Variants in TRIM2 observed in about 807,000 individuals in gnomAD.
TRIM2 encodes the protein tripartite motif containing 2.
A neutral mutation model predicts 75.2 loss-of-function variants in TRIM2; 20 were observed. The observed-to-expected ratio is 0.27, with a 90% CI of 0.19 to 0.39. TRIM2 has a LOEUF of 0.39. Among genes scored for constraint, TRIM2 ranks in the 10% least tolerant of loss-of-function variants. The pLI is 1.00. For missense variants in TRIM2, 660 were observed against 990.8 expected, an observed-to-expected ratio of 0.67 and a Z score of 4.48; for synonymous variants, 373 against 388.3, an observed-to-expected ratio of 0.96 and a Z score of 0.46.
chr4:153,230,079 A>G (rs1743212483), intron 1 of TRIM2, among the ~76,000 whole-genome samples: 1 of 152,226 alleles, frequency 6.6e-6, no homozygotes, highest in South Asian at 2.1e-4. Flanking sequence ...CCCGTGTCCT[A>G]GATCTGTCTT....
intron 1 of TRIM2, among the ~76,000 whole-genome samples, chr4:153,268,326 C>A (rs1008872521): frequency 6.6e-6 from 1 of 151,530 alleles, no homozygotes; most frequent in Non-Finnish European, 1.5e-5. Context: ...GGAGACTGGT[C>A]CTTAGGCAAG....
At chr4:153,163,958 G>C (rs60718348) in intron 1 of TRIM2, among the ~76,000 whole-genome samples, 48,243 of 151,860 alleles carry the variant, frequency 0.32, 7,876 homozygotes, top group South Asian at 0.43. Context: ...TGTTATTAAT[G>C]ATATTAGCAT....
intron 1 of TRIM2, among the ~76,000 whole-genome samples, chr4:153,253,028 C>T (rs976169297): frequency 2.0e-5 from 3 of 152,180 alleles, no homozygotes; most frequent in African/African-American, 7.2e-5. Context: ...AAAGATGGAA[C>T]CTTCAACAGT....
intron 3 of TRIM2, among the ~76,000 whole-genome samples, chr4:153,291,057 C>T (rs1329707289): frequency 6.6e-6 from 1 of 150,582 alleles, no homozygotes; most frequent in Non-Finnish European, 1.5e-5. Flanking sequence ...AAAAAAGTGT[C>T]TTTATATGAC....
At chr4:153,201,733 A>G (rs1734393003), upstream of TRIM2, among the ~76,000 whole-genome samples, 1 of 152,172 alleles carries the variant, frequency 6.6e-6, no homozygotes, top group African/African-American at 2.4e-5. Context: ...TTAAAATTTT[A>G]ACGAAGTCCA....
chr4:153,160,321 G>A (rs1052353430), intron 1 of TRIM2, among the ~76,000 whole-genome samples: 2 of 152,174 alleles, frequency 1.3e-5, no homozygotes, highest in South Asian at 4.1e-4. Flanking sequence ...ATTCAACAAA[G>A]CTTCAAGGTT....
At chr4:153,153,787 A>T (rs1238593865) in intron 1 of TRIM2, among the ~76,000 whole-genome samples, 1 of 151,998 alleles carries the variant, frequency 6.6e-6, no homozygotes, top group Non-Finnish European at 1.5e-5. Context: ...CGGGCCCCGG[A>T]GGGGGCGCGT....
chr4:153,277,570 G>A (rs1173633443), intron 3 of TRIM2, among the ~76,000 whole-genome samples: 1 of 152,206 alleles, frequency 6.6e-6, no homozygotes, highest in African/African-American at 2.4e-5. Context: ...GCCAGACACC[G>A]TATTTGGCTC....
intron 9 of TRIM2, 80 bp from the exon 10 acceptor site, chr4:153,323,998 A>T: frequency 1.8e-6 from 2 of 1,085,264 alleles, no homozygotes; most frequent in Non-Finnish European, 2.7e-6. Flanking sequence ...TTAATATATT[A>T]AGTTTGTTTG....
At chr4:153,322,602 C>T in intron 8 of TRIM2, 46 bp from the exon 9 acceptor site, 3 of 1,587,172 alleles carry the variant, frequency 1.9e-6, no homozygotes, top group Non-Finnish European at 2.6e-6. Context: ...GTGGTTTAAA[C>T]TTTGACTCTA....
chr4:153,338,797 T>G lies in TRIM2; in HGVS notation c.*3831T>G, dbSNP rs1772754575. 3.0e-6 allele frequency: 3 copies of G among 985,850 alleles called. 1 individual carries two copies. In the South Asian group the frequency reaches 1.4e-4, roughly 46 times the overall value. The allele number at this position is 985,850 out of a possible 1,614,324, so 61.1% of individuals were successfully genotyped here. The stretch of plus-strand genomic sequence containing the variant: ...GTTGTTCCAATGAATGTACAGCACT[T>G]CCATTAACTTTTGAAAGCAACACAG... On this transcript the variant is annotated 3_prime_UTR_variant, in exon 12 of 12. Transcript: ENST00000338700.
At chr4:153,178,517 A>G (rs1731709054) in intron 1 of TRIM2, among the ~76,000 whole-genome samples, 1 of 152,190 alleles carries the variant, frequency 6.6e-6, no homozygotes, top group African/African-American at 2.4e-5. Flanking sequence ...AGTCACACTT[A>G]TTTTGCAGTT....
chr4:153,199,094 A>G (rs6535906), intron 1 of TRIM2, among the ~76,000 whole-genome samples: 65,864 of 151,984 alleles, frequency 0.43, 14,623 homozygotes, highest in African/African-American at 0.47. Context: ...AATGCTAAGT[A>G]ATATGATGAT....
At chr4:153,171,936 A>G (rs900057425) in intron 1 of TRIM2, among the ~76,000 whole-genome samples, 10 of 146,020 alleles carry the variant, frequency 6.8e-5, no homozygotes, top group African/African-American at 2.6e-4. Context: ...GTTTTTAAAA[A>G]GTAACCACCA....
At chr4:153,173,446 G>A (rs763912626) in intron 1 of TRIM2, among the ~76,000 whole-genome samples, 1 of 150,302 alleles carries the variant, frequency 6.7e-6, no homozygotes, top group Non-Finnish European at 1.5e-5. Flanking sequence ...GGTGGATTAC[G>A]AGGTCAGGAG....
intron 1 of TRIM2, among the ~76,000 whole-genome samples, chr4:153,263,500 A>T (rs1333539710): frequency 6.6e-6 from 1 of 152,162 alleles, no homozygotes; most frequent in African/African-American, 2.4e-5. Context: ...CGCTAGTTTG[A>T]TTCATTCAAA....
intron 1 of TRIM2, among the ~76,000 whole-genome samples, chr4:153,207,487 T>C (rs6832370): frequency 0.15 from 23,231 of 152,232 alleles, 1,862 homozygotes; most frequent in African/African-American, 0.21. Flanking sequence ...GATGACAATC[T>C]GTTTCACTGG....
chr4:153,292,468 T>C (rs1762012820), intron 3 of TRIM2, among the ~76,000 whole-genome samples: 1 of 152,214 alleles, frequency 6.6e-6, no homozygotes, highest in Non-Finnish European at 1.5e-5. Flanking sequence ...ATTTTAAAAT[T>C]TTTTGTAGAG....
intron 1 of TRIM2, among the ~76,000 whole-genome samples, chr4:153,167,320 G>A (rs559522868): frequency 1.3e-5 from 2 of 152,308 alleles, no homozygotes; most frequent in South Asian, 4.1e-4. Flanking sequence ...CCGCGAAGAT[G>A]GTATGGTGTT....
Sources: allele counts gnomAD v4.1 joint callset (sites outside exome capture counted in the v4.1 genomes callset), GRCh38; gene constraint gnomAD v4.1.1; transcripts MANE v1.5; gene names NCBI Gene and HGNC (gene_info 2026-07-23, HGNC 2026-07-21).